The following GRIA1 variants were observed in gnomAD, a reference collection of about 807,000 sequenced individuals.
The protein encoded by GRIA1 is glutamate receptor 1.
A neutral mutation model predicts 99.2 loss-of-function variants in GRIA1; 31 were observed. The ratio of observed to expected loss-of-function variants is 0.31; its 90% CI spans 0.23 to 0.42. The LOEUF is 0.42. GRIA1 is among the 10% of genes least tolerant of loss of function. The pLI is 1.00. For missense variants in GRIA1, 782 were observed against 1,157.5 expected (o/e 0.68, Z 4.71); for synonymous variants, 438 against 432.4 (o/e 1.01, Z -0.16).
intron 2 of GRIA1, among the ~76,000 whole-genome samples, chr5:153,509,826 G>A (rs942325725): frequency 6.6e-6 from 1 of 152,172 alleles, no homozygotes; most frequent in Non-Finnish European, 1.5e-5. Flanking sequence ...CGATAAATGA[G>A]AGCTATTATT....
chr5:153,700,766 G>T (rs1268314740), intron 10 of GRIA1, among the ~76,000 whole-genome samples: 2 of 152,178 alleles, frequency 1.3e-5, no homozygotes, highest in African/African-American at 4.8e-5. Flanking sequence ...TGAGGAAGAT[G>T]ATAAATCTTG....
At chr5:153,738,262 G>A (rs1561816087) in intron 11 of GRIA1, among the ~76,000 whole-genome samples, 1 of 152,154 alleles carries the variant, frequency 6.6e-6, no homozygotes, top group African/African-American at 2.4e-5. Flanking sequence ...TTCTCTTCTA[G>A]TGCTTCCCTC....
At chr5:153,640,882 C>T (rs951526343) in intron 2 of GRIA1, among the ~76,000 whole-genome samples, 1 of 152,058 alleles carries the variant, frequency 6.6e-6, no homozygotes, top group African/African-American at 2.4e-5. Flanking sequence ...GGATGTGTCT[C>T]AGAATCCTAA....
intron 11 of GRIA1, among the ~76,000 whole-genome samples, chr5:153,740,725 T>A (rs11743325): frequency 0.072 from 10,894 of 152,224 alleles, 429 homozygotes; most frequent in Non-Finnish European, 0.087. Context: ...TTGCAGACAT[T>A]GTATTTCATC....
intron 2 of GRIA1, among the ~76,000 whole-genome samples, chr5:153,618,352 G>GA (rs1766710413): frequency 2.0e-5 from 3 of 152,154 alleles, no homozygotes; most frequent in African/African-American, 4.8e-5. Flanking sequence ...TAAGCCAGAT[G>GA]AAAAAAATTG....
At chr5:153,561,957 A>C (rs1331739288) in intron 2 of GRIA1, among the ~76,000 whole-genome samples, 1 of 152,254 alleles carries the variant, frequency 6.6e-6, no homozygotes, top group Non-Finnish European at 1.5e-5. Flanking sequence ...CAGCTGAGTT[A>C]AAGCAAAGCG....
chr5:153,547,228 T>C (rs55792640), intron 2 of GRIA1, among the ~76,000 whole-genome samples: 70,634 of 151,898 alleles, frequency 0.47, 18,143 homozygotes, highest in Non-Finnish European at 0.59. Flanking sequence ...TGATGTGTGG[T>C]CCAAGACAAT....
At position 153,490,858 on chromosome 5, in the gene GRIA1, G is replaced by C. The variant is rs944592329; in HGVS notation, c.-31G>C. 6 of 1,521,386 alleles carry C rather than the reference G, an allele frequency of 3.9e-6. No individual in the cohort carries two copies. The highest frequency in any genetic ancestry group is 5.5e-6 in the Non-Finnish European group (6 of 1,095,792). The allele number at this position is 1,521,386 out of a possible 1,614,324, so 94.2% of individuals were successfully genotyped here. A position where few individuals can be genotyped will look rare whatever the true frequency, so the allele number is the denominator to read the frequency against. ...AAACACCAAATCTATGATTGGACCT[G>C]GGCTTCTTTTTCGCCAATGCAAAAA... On this transcript the variant is annotated 5_prime_UTR_variant, in exon 1 of 16. Transcript: ENST00000285900.
intron 2 of GRIA1, among the ~76,000 whole-genome samples, chr5:153,513,339 A>G (rs1561600054): frequency 6.6e-6 from 1 of 152,054 alleles, no homozygotes; most frequent in Non-Finnish European, 1.5e-5. Flanking sequence ...ACTTCTCTTC[A>G]TCTCACTAGA....
chr5:153,543,610 A>T (rs371507633), intron 2 of GRIA1, among the ~76,000 whole-genome samples: 3 of 152,286 alleles, frequency 2.0e-5, no homozygotes, highest in African/African-American at 7.2e-5. Context: ...AGAAGGAGTG[A>T]GGGAGGGAGG....
In GRIA1 at chr5:153,553,899, C is replaced by CG. The variant is rs1760377168; in HGVS notation, c.220+59834_220+59835insG. 3.3e-5 allele frequency among the ~76,000 whole-genome samples: 5 copies of CG among 152,160 alleles called. 1 individual carries two copies. Among genetic ancestry groups the CG allele is most frequent in the Middle Eastern group, 3.4e-3 (1 of 294 alleles). On this transcript the variant is annotated intron_variant, in intron 2 of 15. Transcript: ENST00000285900. ...TGCCTGACATTTCTTGTGGTGGCAGCAGGGGGGACCCTCTCCTGTCCTGCT... is the reference window on the plus strand; with the variant it reads ...TGCCTGACATTTCTTGTGGTGGCAGCGAGGGGGGACCCTCTCCTGTCCTGCT...
At chr5:153,568,958 C>T (rs1174821721) in intron 2 of GRIA1, among the ~76,000 whole-genome samples, 3 of 152,150 alleles carry the variant, frequency 2.0e-5, no homozygotes, top group Non-Finnish European at 4.4e-5. Flanking sequence ...ATCCTTTCTA[C>T]TGCCTTCAAG....
chr5:153,706,120 G>A, intron 11 of GRIA1, 53 bp downstream of exon 11: 1 of 1,487,454 alleles, frequency 6.7e-7, no homozygotes, highest in Non-Finnish European at 9.3e-7. Flanking sequence ...TTGTTTGTTT[G>A]TTTGTTTGTT....
At chr5:153,508,894 T>G (rs775651180) in intron 2 of GRIA1, among the ~76,000 whole-genome samples, 1 of 152,208 alleles carries the variant, frequency 6.6e-6, no homozygotes, top group Non-Finnish European at 1.5e-5. Context: ...GGTTCAGGTC[T>G]GCCCGATGTG....
intron 2 of GRIA1, among the ~76,000 whole-genome samples, chr5:153,625,849 C>T (rs116103147): frequency 0.08 from 12,172 of 152,236 alleles, 592 homozygotes; most frequent in Non-Finnish European, 0.11. Flanking sequence ...GAGATTAAGA[C>T]TCTGGTTATC....
At chr5:153,719,654 ATAGTGTGAC>A (rs1164899772) in intron 11 of GRIA1, among the ~76,000 whole-genome samples, 2 of 152,076 alleles carry the variant, frequency 1.3e-5, no homozygotes, top group African/African-American at 2.4e-5. Flanking sequence ...CAAAAATGAC[ATAGTGTGAC>A]TTCTGCCATT....
intron 7 of GRIA1, among the ~76,000 whole-genome samples, chr5:153,678,384 T>C (rs563939043): frequency 1.3e-5 from 2 of 152,290 alleles, no homozygotes; most frequent in East Asian, 3.9e-4. Context: ...GTCTGTCCTT[T>C]GAAATGAAGC....
chr5:153,584,178 C>G (rs1763275964), intron 2 of GRIA1, among the ~76,000 whole-genome samples: 1 of 152,122 alleles, frequency 6.6e-6, no homozygotes, highest in South Asian at 2.1e-4. Flanking sequence ...TCATGTTGCC[C>G]CAAATTACTG....
intron 3 of GRIA1, among the ~76,000 whole-genome samples, chr5:153,650,073 C>A (rs1754441108): frequency 6.6e-6 from 1 of 152,166 alleles, no homozygotes; most frequent in Non-Finnish European, 1.5e-5. Context: ...GGCTAATGAG[C>A]CTGCACAAGG....
Sources: allele counts gnomAD v4.1 joint callset (sites outside exome capture counted in the v4.1 genomes callset), GRCh38; gene constraint gnomAD v4.1.1; transcripts MANE v1.5; gene names NCBI Gene and HGNC (gene_info 2026-07-23, HGNC 2026-07-21).